The following FGF9 variants were observed in gnomAD, a reference collection of about 807,000 sequenced individuals.
FGF9 encodes fibroblast growth factor 9.
FGF9 carries 3 observed loss-of-function variants against 19.9 expected under a neutral mutation model. That is an observed-to-expected ratio of 0.15 (90% CI 0.07 to 0.39). The LOEUF is 0.39. Ranked by LOEUF, FGF9 falls within the 10% of genes least tolerant of loss-of-function variation. The pLI is 1.00. For missense variants in FGF9, 175 were observed against 256.8 expected, an observed-to-expected ratio of 0.68 and a Z score of 2.18; for synonymous variants, 107 against 106.9, an observed-to-expected ratio of 1.00 and a Z score of -0.01.
Position 21,671,889 on chromosome 13 carries a change from GTGCT to G in FGF9, c.-23_-20del. 1 of 1,613,708 alleles carries G rather than the reference GTGCT, an allele frequency of 6.2e-7. No individual in the cohort carries two copies. The highest frequency in any genetic ancestry group is 8.5e-7 in the Non-Finnish European group (1 of 1,179,924). Reference sequence around the variant, plus strand: ...GACACCATCATTATTGTTTATTCTTGTGCTCCAAAAGCCGAGTCCTCTGATGGCT... The same window carrying G: ...GACACCATCATTATTGTTTATTCTTGCCAAAAGCCGAGTCCTCTGATGGCT... On this transcript the variant is annotated 5_prime_UTR_variant, in exon 1 of 3. Coordinates refer to ENST00000382353, the MANE Select transcript of FGF9 (RefSeq NM_002010.3).
chr13:21,695,784 C>A (rs1872396848), intron 2 of FGF9, among the ~76,000 whole-genome samples: 1 of 152,128 alleles, frequency 6.6e-6, no homozygotes, highest in Non-Finnish European at 1.5e-5. Context: ...ACATTGAAGT[C>A]ATTAACTTAT....
chr13:21,671,994 G>T lies in FGF9; in HGVS notation c.82G>T (p.Asp28Tyr). 6.2e-7 allele frequency: 1 copy of T among 1,614,210 alleles called. No individual in the cohort carries two copies. Among genetic ancestry groups the T allele is most frequent in the South Asian group, 1.1e-5 (1 of 91,086 alleles). The change falls in exon 1 of 3, where the codon GAC becomes TAC. Residue 28 changes from aspartate to tyrosine, a missense_variant. Asp to Tyr is a radical substitution (Grantham distance 160). Transcript: ENST00000382353. ...TGGGAATGTGCCCGTGTTGCCGGTGGACAGCCCGGTTTTGTTAAGTGACCA... is the reference window on the plus strand; with the variant it reads ...TGGGAATGTGCCCGTGTTGCCGGTGTACAGCCCGGTTTTGTTAAGTGACCA... ...PFGNVPVLPV[D>Y]SPVLLSDHLG...
chr13:21,696,305 G>C (rs997171064), intron 2 of FGF9, among the ~76,000 whole-genome samples: 1 of 152,150 alleles, frequency 6.6e-6, no homozygotes, highest in Non-Finnish European at 1.5e-5. Context: ...AAAATGAAAA[G>C]AGGTTTCCAT....
intron 1 of FGF9, among the ~76,000 whole-genome samples, chr13:21,678,635 T>C (rs541259717): frequency 6.6e-6 from 1 of 152,356 alleles, no homozygotes. Flanking sequence ...TTGGACCTGA[T>C]GGGCAACACT....
rs753255725 is a variant in FGF9 at position 21,681,087 on chromosome 13, G to A, written c.323G>A (p.Arg108Gln). 1.9e-6 allele frequency: 3 copies of A among 1,614,036 alleles called. No homozygotes were observed. Among genetic ancestry groups the A allele is most frequent in the African/African-American group, 1.3e-5 (1 of 75,008 alleles). Residue 108 changes from arginine (R) to glutamine (Q), a missense_variant, in exon 2 of 3, where the codon CGA becomes CAA. Arg to Gln is a conservative substitution (Grantham distance 43, BLOSUM62 1). Coordinates refer to ENST00000382353, the MANE Select transcript of FGF9 (RefSeq NM_002010.3). ...ISIAVGLVSIRGVDSGLYLGM... is the reference protein window; with the variant it reads ...ISIAVGLVSIQGVDSGLYLGM... ...ATAGCAGTGGGCCTGGTCAGCATTCGAGGCGTGGACAGTGGACTCTACCTC... is the reference window on the plus strand; with the variant it reads ...ATAGCAGTGGGCCTGGTCAGCATTCAAGGCGTGGACAGTGGACTCTACCTC...
chr13:21,691,571 C>T lies in FGF9; in HGVS notation c.382-9619C>T, dbSNP rs995563412. Among the ~76,000 whole-genome samples the T allele has an allele frequency of 6.6e-6, 1 of 152,230 alleles. No homozygotes were observed. Among genetic ancestry groups the T allele is most frequent in the Non-Finnish European group, 1.5e-5 (1 of 68,036 alleles). ...TTGCTGCCAGAGGCATCTTTGCTGA[C>T]ATGTGGAGAGTCCTCCCCTGTCAGC... On this transcript the variant is annotated intron_variant, in intron 2 of 2. Transcript: ENST00000382353. The surrounding 1 kb of genome is among the most constrained non-coding windows in gnomAD (Gnocchi z 4.2).
At chr13:21,700,230 A>C (rs1219262313) in intron 2 of FGF9, among the ~76,000 whole-genome samples, 1 of 152,054 alleles carries the variant, frequency 6.6e-6, no homozygotes, top group Non-Finnish European at 1.5e-5. Context: ...GAACCTGAGA[A>C]TGTAGCTTTT....
At chr13:21,697,736 C>A (rs1412744130) in intron 2 of FGF9, among the ~76,000 whole-genome samples, 2 of 151,960 alleles carry the variant, frequency 1.3e-5, no homozygotes, top group African/African-American at 4.8e-5. Flanking sequence ...TTTTCCTGCC[C>A]TCTCCACTCA....
chr13:21,696,213 C>T (rs1872407347), intron 2 of FGF9, among the ~76,000 whole-genome samples: 2 of 152,170 alleles, frequency 1.3e-5, no homozygotes, highest in African/African-American at 4.8e-5. Context: ...ATTATTATCT[C>T]ATACTTTGGT....
In FGF9 at chr13:21,701,901, G is replaced by C. The variant is rs372262638; in HGVS notation, c.*466G>C. On this transcript the variant is annotated 3_prime_UTR_variant, in exon 3 of 3. Coordinates refer to ENST00000382353, the MANE Select transcript of FGF9 (RefSeq NM_002010.3). ...ATCAGGATTCTGGCTGGTGGCCTGCGCGAGGGTGCAGTCTTACTTAAAAGA... is the reference window on the plus strand; with the variant it reads ...ATCAGGATTCTGGCTGGTGGCCTGCCCGAGGGTGCAGTCTTACTTAAAAGA... The C allele has an allele frequency of 4.7e-5, 8 of 169,146 alleles. No homozygotes were observed. The highest frequency in any genetic ancestry group is 4.7e-4 in the East Asian group (3 of 6,350). 10.5% of individuals were successfully genotyped at this position (169,146 alleles called of 1,614,324 possible).
chr13:21,696,605 G>T (rs1872415346), intron 2 of FGF9, among the ~76,000 whole-genome samples: 1 of 152,134 alleles, frequency 6.6e-6, no homozygotes, highest in Admixed American at 6.5e-5. Flanking sequence ...TTTATTTGAA[G>T]GCAGACACTC....
chr13:21,675,809 T>A (rs1363082684), intron 1 of FGF9, among the ~76,000 whole-genome samples: 1 of 152,046 alleles, frequency 6.6e-6, no homozygotes. Flanking sequence ...CTGCAGCTGC[T>A]GGCAAGCTTG....
chr13:21,675,166 C>G (rs1009811246), intron 1 of FGF9, among the ~76,000 whole-genome samples: 11 of 152,038 alleles, frequency 7.2e-5, no homozygotes, highest in African/African-American at 2.7e-4. Flanking sequence ...GAAGGGCGCT[C>G]TGGCGCTCCG....
chr13:21,679,956 C>CAAA (rs551705351), intron 1 of FGF9, among the ~76,000 whole-genome samples: 10 of 56,704 alleles, frequency 1.8e-4, no homozygotes, highest in African/African-American at 4.4e-4. Flanking sequence ...GACTCCATCT[C>CAAA]AAAAAAAAAA....
rs1422278041 is a variant in FGF9 at position 21,702,071 on chromosome 13, A to ATATT, written c.*645_*648dup. The stretch of plus-strand genomic sequence containing the variant: ...AAAGGCAACATTTTATTTATTTTAT[A>ATATT]TATTTATTTATTATATAGAGTTTAT... On this transcript the variant is annotated 3_prime_UTR_variant, in exon 3 of 3. Transcript: ENST00000382353. 1.3e-5 allele frequency: 2 copies of ATATT among 151,558 alleles called. No individual in the cohort carries two copies. The allele number at this position is 151,558 out of a possible 1,614,324, so 9.4% of individuals were successfully genotyped here.
intron 2 of FGF9, among the ~76,000 whole-genome samples, chr13:21,693,926 G>T (rs373432363): frequency 7.2e-5 from 11 of 152,148 alleles, no homozygotes; most frequent in African/African-American, 2.4e-4. Flanking sequence ...AGTTGATGCA[G>T]CCCGTTTCAT....
intron 2 of FGF9, among the ~76,000 whole-genome samples, chr13:21,686,372 T>A (rs1872158361): frequency 6.6e-6 from 1 of 152,184 alleles, no homozygotes; most frequent in Non-Finnish European, 1.5e-5. Context: ...CCATAATAAA[T>A]GCCTCCTTAA....
chr13:21,689,207 C>T (rs1301536060), intron 2 of FGF9, among the ~76,000 whole-genome samples: 1 of 152,110 alleles, frequency 6.6e-6, no homozygotes, highest in Admixed American at 6.5e-5. Context: ...TCTGAAGTGC[C>T]CCTGCCTGGG....
At chr13:21,673,845 G>A (rs1250844425) in intron 1 of FGF9, among the ~76,000 whole-genome samples, 1 of 150,658 alleles carries the variant, frequency 6.6e-6, no homozygotes, top group African/African-American at 2.4e-5. Flanking sequence ...CGGTCGGCAG[G>A]TGCCCGCTCG....
Sources: gnomAD v4.1 joint callset for allele counts (sites outside exome capture counted in the v4.1 genomes callset) on GRCh38, gnomAD v4.1.1 for gene constraint, Gnocchi (gnomAD v3.1) non-coding constraint, MANE v1.5 for transcripts, NCBI Gene and HGNC (gene_info 2026-07-23, HGNC 2026-07-21) for gene names.